Variants in HIPK1 observed in about 807,000 individuals in gnomAD.
HIPK1 encodes homeodomain interacting protein kinase 1.
A neutral mutation model predicts 117.1 loss-of-function variants in HIPK1; 28 were observed. That is an observed-to-expected ratio of 0.24 (90% confidence interval 0.18 to 0.33). HIPK1 has a LOEUF of 0.33. Ranked by LOEUF, HIPK1 falls within the 10% of genes least tolerant of loss-of-function variation. The pLI, the probability that HIPK1 is intolerant of heterozygous loss-of-function variation, is 1.00. For missense variants in HIPK1, 1,122 were observed against 1,475.1 expected, an observed-to-expected ratio of 0.76 and a Z score of 3.92; for synonymous variants, 605 against 562.5, an observed-to-expected ratio of 1.08 and a Z score of -1.07.
intron 4 of HIPK1, 34 bp downstream of exon 4, chr1:113,954,804 A>G: frequency 6.4e-7 from 1 of 1,573,058 alleles, no homozygotes; most frequent in Non-Finnish European, 8.7e-7. Context: ...CGACTCCTGT[A>G]CTCCACCCCT....
At chr1:113,955,279 G>C (rs1280174416) in intron 4 of HIPK1, among the ~76,000 whole-genome samples, 26 of 152,190 alleles carry the variant, frequency 1.7e-4, no homozygotes, top group Admixed American at 1.6e-3. Context: ...CGATTTATTT[G>C]AAAGTAGCTT....
chr1:113,968,403 A>G, intron 12 of HIPK1, 39 bp from the exon 13 acceptor site: 1 of 1,455,500 alleles, frequency 6.9e-7, no homozygotes, highest in Non-Finnish European at 9.7e-7. Context: ...TTGGAAGGCC[A>G]AGGACTGAAT....
intron 2 of HIPK1, among the ~76,000 whole-genome samples, chr1:113,951,716 A>G (rs1190284249): frequency 3.9e-5 from 6 of 152,122 alleles, no homozygotes; most frequent in Admixed American, 6.5e-5. Flanking sequence ...CAACAACTCT[A>G]TGTGGTGGGA....
intron 14 of HIPK1, among the ~76,000 whole-genome samples, chr1:113,970,573 A>C (rs932439751): frequency 1.3e-5 from 2 of 152,232 alleles, no homozygotes; most frequent in Admixed American, 6.5e-5. Context: ...AAATGACTGC[A>C]AAAGTGTTTT....
chr1:113,957,070 GCTGT>G (rs1169979002), intron 6 of HIPK1, 50 bp from the exon 7 acceptor site: 1 of 1,398,560 alleles, frequency 7.2e-7, no homozygotes, highest in Non-Finnish European at 1.0e-6. Context: ...TGAGTTATTT[GCTGT>G]CTGTTTAAAT....
intron 7 of HIPK1, 87 bp from the exon 8 acceptor site, chr1:113,957,979 C>T (rs764665231): frequency 3.4e-5 from 34 of 990,640 alleles, no homozygotes; most frequent in African/African-American, 1.1e-4. Flanking sequence ...CATTATTCTA[C>T]GTTTTTCTGG....
rs142674370 is a variant in HIPK1, at chr1:113,966,223, G to A, written c.2332G>A (p.Ala778Thr). 33 of 1,613,938 alleles carry A rather than the reference G, an allele frequency of 2.0e-5. No homozygotes were observed. The highest frequency in any genetic ancestry group is 2.5e-5 in the Non-Finnish European group (30 of 1,179,954). The change falls in exon 11 of 16, where the codon GCA (alanine) becomes ACA (threonine). Residue 778 changes from alanine to threonine, a missense_variant. Around this residue, in one of 6 missense-constraint regions of HIPK1, gnomAD observed 731 missense variants for 860.4 expected, o/e 0.85. Coordinates refer to ENST00000426820, the MANE Select transcript of HIPK1 (RefSeq NM_198268.3). ...TCTACACAACTCTGTCCAGCCCACA[G>A]CAATGATTCCAGAGGCCATGGGGAG... is the stretch of plus-strand genomic sequence containing the variant. The part of the protein sequence containing the change: ...VALHNSVQPT[A>T]MIPEAMGSGQ...
intron 11 of HIPK1, 143 bp downstream of exon 11, chr1:113,966,415 G>A: frequency 1.5e-6 from 1 of 654,416 alleles, no homozygotes; most frequent in Non-Finnish European, 2.4e-6. Flanking sequence ...TATCAGGCTA[G>A]GAGATGGTGT....
At position 113,941,247 on chromosome 1, in the gene HIPK1, A is replaced by G. The variant is rs778492218; in HGVS notation, c.864A>G (p.Pro288=). 6.2e-6 allele frequency: 10 copies of G among 1,614,102 alleles called. No homozygotes were observed. In the African/African-American group the frequency reaches 1.1e-4, roughly 17 times the overall value. Residue 288 remains proline (P), a synonymous_variant, in exon 2 of 16, where the codon CCA becomes CCG. Transcript: ENST00000426820. This position sits in a 1 kb window ranked among gnomAD's most constrained non-coding sequence, Gnocchi z 4.9. The stretch of plus-strand genomic sequence containing the variant: ...AGCAAAACAAATTTAGCCCACTGCC[A>G]CTCAAGTACATCAGACCAATCTTGC... ...FLKQNKFSPL[P]LKYIRPILQQ...
At chr1:113,933,090 C>T in intron 1 of HIPK1, 1 of 698,688 alleles carries the variant, frequency 1.4e-6, no homozygotes, top group Non-Finnish European at 1.8e-6. Context: ...AATGTAGTAC[C>T]TTTTTACTAA....
chr1:113,970,877 A>G (rs1248132772), intron 14 of HIPK1, among the ~76,000 whole-genome samples: 3 of 152,210 alleles, frequency 2.0e-5, no homozygotes, highest in African/African-American at 7.2e-5. Flanking sequence ...TGAAGGAGGC[A>G]CACACATGTC....
At chr1:113,929,971 C>G in intron 1 of HIPK1, 1 of 984,612 alleles carries the variant, frequency 1.0e-6, no homozygotes, top group Non-Finnish European at 1.2e-6. Context: ...GGGTCCTCGG[C>G]GGGGAGCGAC....
In HIPK1 at chr1:113,952,891, TA is replaced by T; in HGVS notation, c.1200+6del. On this transcript the variant is annotated splice_donor_region_variant and intron_variant, in intron 3 of 15. Coordinates refer to ENST00000426820, the MANE Select transcript of HIPK1 (RefSeq NM_198268.3). ...CCTGGTGCTTCAGAATATGATCAGG[TA>T]AAAGTGTTTATTTGAATGGAAATAG... 1.3e-6 allele frequency: 2 copies of T among 1,490,458 alleles called. No homozygotes were observed. The highest frequency in any genetic ancestry group is 1.4e-5 in the South Asian group (1 of 71,112). The allele number at this position is 1,490,458 out of a possible 1,614,324, so 92.3% of individuals were successfully genotyped here. A position where few individuals can be genotyped will look rare whatever the true frequency, so the allele number is the denominator to read the frequency against.
intron 1 of HIPK1, among the ~76,000 whole-genome samples, chr1:113,931,235 C>T (rs898047701): frequency 6.6e-6 from 1 of 150,738 alleles, no homozygotes; most frequent in Non-Finnish European, 1.5e-5. Context: ...ATATGGAAGC[C>T]TAAAGCTTTC....
rs1390554407 is a variant in HIPK1, at chr1:113,970,102, G to A, written c.2918G>A (p.Gly973Asp). The change falls in exon 14 of 16, where the codon GGC becomes GAC. Residue 973 changes from glycine (G) to aspartate (D), a missense_variant. Physicochemically the swap from Gly to Asp is moderately conservative, Grantham distance 94. This residue lies in a region of HIPK1 where 731 missense variants were observed against 860.4 expected (regional missense o/e 0.85). Transcript: ENST00000426820. ...GNSGSVLEGP[G>D]RVVADGTGTR... The stretch of plus-strand genomic sequence containing the variant: ...AGTGGATCCGTTTTGGAGGGGCCTG[G>A]CAGAGTTGTGGCAGATGGCACTGGC... 1 of 1,614,014 alleles carries A rather than the reference G, an allele frequency of 6.2e-7. No homozygotes were observed. Among genetic ancestry groups the A allele is most frequent in the East Asian group, 2.2e-5 (1 of 44,900 alleles).
intron 1 of HIPK1, among the ~76,000 whole-genome samples, chr1:113,939,441 A>T (rs1242342127): frequency 1.3e-5 from 2 of 151,662 alleles, no homozygotes; most frequent in East Asian, 3.9e-4. Flanking sequence ...GTGTGATGGC[A>T]TCTCATAATT....
Position 113,973,130 on chromosome 1 carries a change from T to G in HIPK1, c.3251T>G (p.Phe1084Cys). ...VAPLSQAPYTFQHGSPLHSTG... is the reference protein window; with the variant it reads ...VAPLSQAPYTCQHGSPLHSTG... Reference sequence around the variant, plus strand: ...CCTCTCTCCCAAGCCCCCTACACCTTCCAGCATGGCAGCCCGCTACACTCG... The same window carrying G: ...CCTCTCTCCCAAGCCCCCTACACCTGCCAGCATGGCAGCCCGCTACACTCG... The change falls in exon 16 of 16, where the codon TTC becomes TGC. Residue 1084 changes from phenylalanine to cysteine, a missense_variant. By Grantham distance (205) the Phe-to-Cys change is radical. Transcript: ENST00000426820. The G allele has an allele frequency of 6.3e-7, 1 of 1,595,890 alleles. No individual in the cohort carries two copies. The highest frequency in any genetic ancestry group is 8.5e-7 in the Non-Finnish European group (1 of 1,170,862).
chr1:113,976,489 TAA>T lies in HIPK1; in HGVS notation c.*2978_*2979del, dbSNP rs1267728330. On this transcript the variant is annotated 3_prime_UTR_variant, in exon 16 of 16. Coordinates refer to ENST00000426820, the MANE Select transcript of HIPK1 (RefSeq NM_198268.3). Reference sequence around the variant, plus strand: ...ATCCCATTCCTGCACCCCAGTCCAATAAGCAGATACCACTTAAGATAGGAGTC... The same window carrying T: ...ATCCCATTCCTGCACCCCAGTCCAATGCAGATACCACTTAAGATAGGAGTC... 6.5e-6 allele frequency: 1 copy of T among 152,760 alleles called. No homozygotes were observed. Among genetic ancestry groups the T allele is most frequent in the Non-Finnish European group, 1.5e-5 (1 of 68,028 alleles). The allele number at this position is 152,760 out of a possible 1,614,324, so 9.5% of individuals were successfully genotyped here.
chr1:113,952,744 T>C, intron 2 of HIPK1, 22 bp from the exon 3 acceptor site: 2 of 1,418,802 alleles, frequency 1.4e-6, no homozygotes, highest in South Asian at 1.6e-5. Flanking sequence ...TTTTTTAATC[T>C]GATATTTTTT....
Sources: allele counts gnomAD v4.1 joint callset (sites outside exome capture counted in the v4.1 genomes callset), GRCh38; gene constraint gnomAD v4.1.1; regional missense constraint gnomAD v4.1.1; non-coding constraint Gnocchi (gnomAD v3.1); transcripts MANE v1.5; gene names NCBI Gene and HGNC (gene_info 2026-07-23, HGNC 2026-07-21).